HUWE1: variants seen among roughly 807,000 people sequenced by gnomAD.
The protein encoded by HUWE1 is E3 ubiquitin-protein ligase HUWE1.
In HUWE1, 18 loss-of-function variants were observed where a neutral mutation model predicts 299.4. That is an observed-to-expected ratio of 0.06 (90% CI 0.04 to 0.09). The LOEUF is 0.09. Ranked by LOEUF, HUWE1 falls within the 10% of genes least tolerant of loss-of-function variation. HUWE1 has a pLI of 1.00. For missense variants in HUWE1, 1,832 were observed against 3,462.3 expected, an observed-to-expected ratio of 0.53 and a Z score of 11.82; for synonymous variants, 1,317 against 1,286.1, an observed-to-expected ratio of 1.02 and a Z score of -0.51.
At chrX:53,667,119 C>T (rs1394132556) in intron 3 of HUWE1, among the ~76,000 whole-genome samples, 3 of 111,730 alleles carry the variant, frequency 2.7e-5, no homozygotes, top group Non-Finnish European at 5.7e-5. Flanking sequence ...ATAAAGGCAA[C>T]GAAGTCAATA....
chrX:53,592,602 T>C lies in HUWE1; in HGVS notation c.3768A>G (p.Leu1256=). ...QKAAFTCIKN[L]WNRKPLKVYG... is the part of the protein sequence containing the mutation. ...ATACCTTCAGGGGTTTCCGGTTCCATAAGTTTTTGATGCAAGTAAAGGCTG... is the reference window on the plus strand; with the variant it reads ...ATACCTTCAGGGGTTTCCGGTTCCACAAGTTTTTGATGCAAGTAAAGGCTG... Residue 1256 remains leucine (L), a synonymous_variant, in exon 33 of 84, where the codon TTA becomes TTG. Transcript: ENST00000262854. 1.7e-6 allele frequency: 2 copies of C among 1,208,009 alleles called. No individual in the cohort carries two copies. The highest frequency in any genetic ancestry group is 2.2e-6 in the Non-Finnish European group (2 of 892,437).
Position 53,533,381 on chromosome X carries a change from C to G in HUWE1, c.13053G>C (p.Glu4351Asp). ...GCATGTGGCGGAGCTTCTCAAAGCT[C>G]TCATAGGCAGGCAGATCCAGCTGAT... ...CFNQLDLPAY[E>D]SFEKLRHMLL... The change falls in exon 84 of 84, where the codon GAG becomes GAC. Residue 4351 changes from glutamate (E) to aspartate (D), a missense_variant. This residue lies in a region of HUWE1 where 129 missense variants were observed against 439.4 expected (regional missense o/e 0.29). Transcript: ENST00000262854. The G allele has an allele frequency of 8.3e-7, 1 of 1,204,864 alleles. No individual in the cohort carries two copies. The highest frequency in any genetic ancestry group is 1.1e-6 in the Non-Finnish European group (1 of 890,178).
In HUWE1 at chrX:53,539,832, G is replaced by C. The variant is rs372636915; in HGVS notation, c.11477-20C>G. Reference sequence around the variant, plus strand: ...CGGAGGCTGGAGGGCACACAGAAGAGAGTCAGAAAGTCTTCAAAATTTCCC... The same window carrying C: ...CGGAGGCTGGAGGGCACACAGAAGACAGTCAGAAAGTCTTCAAAATTTCCC... On this transcript the variant is annotated intron_variant, in intron 74 of 83. Coordinates refer to ENST00000262854, the MANE Select transcript of HUWE1 (RefSeq NM_031407.7). 11 of 1,195,416 alleles carry C rather than the reference G, an allele frequency of 9.2e-6. No homozygotes were observed. Among genetic ancestry groups the C allele is most frequent in the South Asian group, 1.8e-5 (1 of 55,039 alleles).
chrX:53,552,321 ATCT>A lies in HUWE1; in HGVS notation c.8868_8870del (p.Glu2956del). 4 of 1,211,311 alleles carry A rather than the reference ATCT, an allele frequency of 3.3e-6. No individual in the cohort carries two copies. The highest frequency in any genetic ancestry group is 1.8e-5 in the South Asian group (1 of 56,956). ...ATACACGGAACTCACCCGCAAGGGG[ATCT>A]TCTTCTTCACTGCTTGTTGAAGGCA... is the stretch of plus-strand genomic sequence containing the variant. On this transcript the variant is annotated inframe_deletion, in exon 63 of 84. Coordinates refer to ENST00000262854, the MANE Select transcript of HUWE1 (RefSeq NM_031407.7).
chrX:53,656,388 AT>A (rs1408621242), intron 3 of HUWE1, among the ~76,000 whole-genome samples: 1 of 107,566 alleles, frequency 9.3e-6, no homozygotes, highest in Non-Finnish European at 1.9e-5. Context: ...ATAAAAAAAA[AT>A]AAATTAGCCA....
intron 3 of HUWE1, among the ~76,000 whole-genome samples, chrX:53,679,300 TA>T (rs201017675): frequency 0.02 from 2,197 of 111,530 alleles, 22 homozygotes; most frequent in Non-Finnish European, 0.028. Context: ...AAACAAAGCT[TA>T]AAAAAAAATC....
intron 7 of HUWE1, among the ~76,000 whole-genome samples, chrX:53,636,152 C>G (rs782600108): frequency 2.0e-4 from 22 of 112,094 alleles, no homozygotes; most frequent in Non-Finnish European, 3.8e-4. Context: ...CTAGTGAAAA[C>G]CTAAGTGAGA....
chrX:53,651,163 T>G (rs1557039815), intron 4 of HUWE1, among the ~76,000 whole-genome samples: 1 of 108,803 alleles, frequency 9.2e-6, no homozygotes, highest in Non-Finnish European at 1.9e-5. Context: ...CTGAGCTTAT[T>G]AAGGGGTAAA....
chrX:53,623,382 C>T (rs782378545), intron 19 of HUWE1, among the ~76,000 whole-genome samples: 1 of 111,624 alleles, frequency 9.0e-6, no homozygotes, highest in African/African-American at 3.3e-5. Context: ...ACAAAAAAAC[C>T]CCAAAGAACT....
At chrX:53,571,787 C>T (rs1223511359) in intron 47 of HUWE1, among the ~76,000 whole-genome samples, 1 of 111,599 alleles carries the variant, frequency 9.0e-6, no homozygotes, top group African/African-American at 3.3e-5. Flanking sequence ...AATACCACTA[C>T]AAACCCATTA....
At chrX:53,675,652 T>C (rs1262797990) in intron 3 of HUWE1, among the ~76,000 whole-genome samples, 1 of 111,511 alleles carries the variant, frequency 9.0e-6, no homozygotes, top group African/African-American at 3.3e-5. Flanking sequence ...AAAGATATAT[T>C]AAGCTAAAAA....
intron 33 of HUWE1, 85 bp from the exon 34 acceptor site, chrX:53,591,207 A>G (rs1385803924): frequency 1.8e-6 from 2 of 1,086,366 alleles, no homozygotes; most frequent in East Asian, 3.2e-5. Context: ...CAAGATGGAA[A>G]TAACTTTTTC....
At chrX:53,677,196 T>C (rs972877223) in intron 3 of HUWE1, among the ~76,000 whole-genome samples, 29 of 105,244 alleles carry the variant, frequency 2.8e-4, no homozygotes, top group African/African-American at 8.7e-4. Context: ...TGGGAACTTA[T>C]CAGAAATGCA....
At position 53,595,214 on chromosome X, in the gene HUWE1, G is replaced by A; in HGVS notation, c.3353C>T (p.Pro1118Leu). ...LLTKGLSWQP[P>L]PYTPTPRFRL... is the part of the protein sequence containing the mutation. ...GAATCGGGGAGTAGGTGTATATGGT[G>A]GGGGCTGCCAAGATAACCCCTTAGT... Residue 1118 changes from proline (P) to leucine (L), a missense_variant, in exon 30 of 84, where the codon CCA becomes CTA. By Grantham distance (98) the Pro-to-Leu change is moderately conservative (BLOSUM62 -3). Around this residue, in one of 15 missense-constraint regions of HUWE1, gnomAD observed 658 missense variants for 1,282.6 expected, o/e 0.51. Transcript: ENST00000262854. 1 of 1,210,395 alleles carries A rather than the reference G, an allele frequency of 8.3e-7. No individual in the cohort carries two copies. The highest frequency in any genetic ancestry group is 1.1e-6 in the Non-Finnish European group (1 of 894,628).
chrX:53,647,260 G>C (rs903566947), intron 6 of HUWE1, 108 bp downstream of exon 6: 5 of 573,788 alleles, frequency 8.7e-6, no homozygotes, highest in Non-Finnish European at 1.5e-5. Flanking sequence ...GAAAAACCCA[G>C]AGCTCCACAA....
rs2061247384 is a variant in HUWE1, at chrX:53,539,572, C to T, written c.11632+85G>A. ...CAGAGACACTGAGGGAGAGGAGTAA[C>T]CTGGAAGGAAGAAAAACAAGCTGGC... On this transcript the variant is annotated intron_variant, in intron 75 of 83. Coordinates refer to ENST00000262854, the MANE Select transcript of HUWE1 (RefSeq NM_031407.7). 11 of 976,818 alleles carry T rather than the reference C, an allele frequency of 1.1e-5. No homozygotes were observed. The East Asian group carries it at 3.0e-4, about 27-fold the overall frequency. 80.5% of individuals were successfully genotyped at this position (976,818 alleles called of 1,213,427 possible).
chrX:53,578,497 C>G (rs2063335167), intron 43 of HUWE1, among the ~76,000 whole-genome samples: 1 of 99,056 alleles, frequency 1.0e-5, no homozygotes, highest in Admixed American at 1.0e-4. Flanking sequence ...GGGTCAGCCC[C>G]CGGCCCGGCC....
intron 4 of HUWE1, among the ~76,000 whole-genome samples, chrX:53,651,418 A>G (rs1459299671): frequency 1.8e-5 from 2 of 110,826 alleles, no homozygotes; most frequent in African/African-American, 6.6e-5. Context: ...TGATTCTAGG[A>G]CCCCCATGAA....
intron 2 of HUWE1, chrX:53,680,437 T>C: frequency 1.2e-5 from 2 of 170,213 alleles, no homozygotes; most frequent in Non-Finnish European, 2.2e-5. Context: ...CCAAATGAAA[T>C]TATAGAAGAC....
Sources: allele counts gnomAD v4.1 joint callset (sites outside exome capture counted in the v4.1 genomes callset), GRCh38; gene constraint gnomAD v4.1.1; regional missense constraint gnomAD v4.1.1; transcripts MANE v1.5; gene names NCBI Gene and HGNC (gene_info 2026-07-23, HGNC 2026-07-21).